The following NOS3 variants were observed in gnomAD, a reference collection of about 807,000 sequenced individuals.
NOS3 encodes the protein NOS type III.
In NOS3, 98 loss-of-function variants were observed where a neutral mutation model predicts 144.9. The ratio of observed to expected loss-of-function variants is 0.68; its 90% CI spans 0.57 to 0.80. The LOEUF is 0.80. Among genes scored for constraint, NOS3 ranks in the 30% least tolerant of loss-of-function variants. NOS3 has a pLI of 0.00. For synonymous variants in NOS3, 714 were observed against 702.4 expected (o/e 1.02, Z -0.26); for missense variants, 1,465 against 1,656.4 (o/e 0.88, Z 2.01).
rs143125350 is a variant in NOS3, at chr7:151,003,395, C to T, written c.1752+1091C>T. ...CCTGCCTCGGCCTCCCAAAGTGCTGCGATTATAGACGTGAGCCACTGCACC... is the reference window on the plus strand; with the variant it reads ...CCTGCCTCGGCCTCCCAAAGTGCTGTGATTATAGACGTGAGCCACTGCACC... On this transcript the variant is annotated intron_variant, in intron 14 of 26. Transcript: ENST00000297494. The surrounding 1 kb of genome is among the most constrained non-coding windows in gnomAD (Gnocchi z 4.1). 739 of 1,221,504 alleles carry T rather than the reference C, an allele frequency of 6.0e-4. 7 individuals carry two copies. In the South Asian group the frequency reaches 9.8e-3, roughly 16 times the overall value. 75.7% of individuals were successfully genotyped at this position (1,221,504 alleles called of 1,614,324 possible). A position where few individuals can be genotyped will look rare whatever the true frequency, so the allele number is the denominator to read the frequency against.
At chr7:150,994,772 T>C (rs1802331702) in intron 2 of NOS3, among the ~76,000 whole-genome samples, 1 of 152,152 alleles carries the variant, frequency 6.6e-6, no homozygotes, top group Non-Finnish European at 1.5e-5. Context: ...GAGGCTTCCC[T>C]TCACACATGG....
At position 151,014,430 on chromosome 7, in the gene NOS3, C is replaced by T. The variant is rs1795397520; in HGVS notation, c.*261C>T. 7 of 465,854 alleles carry T rather than the reference C, an allele frequency of 1.5e-5. No individual in the cohort carries two copies. Among genetic ancestry groups the T allele is most frequent in the Non-Finnish European group, 2.7e-5 (7 of 263,494 alleles). The allele number at this position is 465,854 out of a possible 1,614,324, so 28.9% of individuals were successfully genotyped here. A position where few individuals can be genotyped will look rare whatever the true frequency, so the allele number is the denominator to read the frequency against. On this transcript the variant is annotated 3_prime_UTR_variant, in exon 27 of 27. Coordinates refer to ENST00000297494, the MANE Select transcript of NOS3 (RefSeq NM_000603.5). ...GTACCCCAGGGCCTACTGCCACCCG[C>T]TTCCTGTTTCTTAGTCGAATGTTAG...
At position 151,010,656 on chromosome 7, in the gene NOS3, G is replaced by A; in HGVS notation, c.2745G>A (p.Leu915=). 6.2e-7 allele frequency: 1 copy of A among 1,607,896 alleles called. No individual in the cohort carries two copies. The highest frequency in any genetic ancestry group is 1.7e-5 in the Admixed American group (1 of 59,370). Residue 915 remains leucine (L), a synonymous_variant, in exon 22 of 27, where the codon CTG becomes CTA. Coordinates refer to ENST00000297494, the MANE Select transcript of NOS3 (RefSeq NM_000603.5). ...GCTGCCCCACGCTGCTGGAGGTGCTGGAGCAGTTCCCGTCGGTGGCGCTGC... is the reference window on the plus strand; with the variant it reads ...GCTGCCCCACGCTGCTGGAGGTGCTAGAGCAGTTCCCGTCGGTGGCGCTGC... ...WFRCPTLLEV[L]EQFPSVALPA... is the part of the protein sequence containing the mutation.
Position 150,996,945 on chromosome 7 carries a change from G to A in NOS3, c.582+20G>A. On this transcript the variant is annotated intron_variant, in intron 5 of 26. Coordinates refer to ENST00000297494, the MANE Select transcript of NOS3 (RefSeq NM_000603.5). ...CTGCAGGTGCGGCTGGCCAGCGACT[G>A]AGAGACCCGGGCGCTACCAAAAGGG... is the stretch of plus-strand genomic sequence containing the variant. 6.5e-7 allele frequency: 1 copy of A among 1,547,954 alleles called. No individual in the cohort carries two copies. The highest frequency in any genetic ancestry group is 8.7e-7 in the Non-Finnish European group (1 of 1,146,666).
intron 12 of NOS3, 23 bp from the exon 13 acceptor site, chr7:151,001,798 C>A (rs373157489): frequency 1.2e-4 from 193 of 1,613,300 alleles, no homozygotes; most frequent in Non-Finnish European, 1.5e-4. Flanking sequence ...CCCAGGACAC[C>A]CTCACACCTT....
In NOS3 at chr7:150,999,382, G is replaced by A; in HGVS notation, c.1131+18G>A. 1.9e-6 allele frequency: 3 copies of A among 1,546,890 alleles called. No homozygotes were observed. In the South Asian group the frequency reaches 3.7e-5, roughly 19 times the overall value. On this transcript the variant is annotated intron_variant, in intron 9 of 26. Coordinates refer to ENST00000297494, the MANE Select transcript of NOS3 (RefSeq NM_000603.5). ...TCCTGGAGGTGAGGTGCGGGATGGG[G>A]CTCGGGCACCGAATGCACCTGTCCA...
chr7:150,994,112 C>A, intron 2 of NOS3, 151 bp downstream of exon 2: 1 of 856,694 alleles, frequency 1.2e-6, no homozygotes, highest in Non-Finnish European at 1.8e-6. Flanking sequence ...ACAGGACAGT[C>A]TGGGAGGCTC....
chr7:151,007,754 C>G lies in NOS3; in HGVS notation c.2112+478C>G, dbSNP rs572321236. On this transcript the variant is annotated intron_variant, in intron 17 of 26. Coordinates refer to ENST00000297494, the MANE Select transcript of NOS3 (RefSeq NM_000603.5). ...CTGCACCGCAGAACTGGTCCCGGGC[C>G]GGGCAAGCAAGCACAGGGAGAGGTG... is the stretch of plus-strand genomic sequence containing the variant. 5.3e-5 allele frequency among the ~76,000 whole-genome samples: 8 copies of G among 152,378 alleles called. No homozygotes were observed. The South Asian group carries it at 1.4e-3, about 28-fold the overall frequency.
chr7:150,996,599 C>A (rs1428843803), intron 4 of NOS3, 47 bp downstream of exon 4: 4 of 1,555,908 alleles, frequency 2.6e-6, no homozygotes. Context: ...CACTGAGGCC[C>A]CAGAAACCCC....
intron 17 of NOS3, among the ~76,000 whole-genome samples, chr7:151,008,288 T>C (rs1299978692): frequency 6.6e-6 from 1 of 151,968 alleles, no homozygotes; most frequent in Non-Finnish European, 1.5e-5. Context: ...AAAAGAAAGA[T>C]TAACGGGACT....
intron 2 of NOS3, among the ~76,000 whole-genome samples, chr7:150,994,456 G>T (rs1422803649): frequency 6.6e-6 from 1 of 152,164 alleles, no homozygotes; most frequent in African/African-American, 2.4e-5. Context: ...GGCCCTTGGG[G>T]TAAGCAGGCT....
At chr7:151,012,243 T>C (rs1329458649) in intron 23 of NOS3, 108 bp from the exon 24 acceptor site, 2 of 984,346 alleles carry the variant, frequency 2.0e-6, no homozygotes, top group Non-Finnish European at 2.8e-6. Flanking sequence ...TTTAATTTTT[T>C]TTTGAGATGG....
rs529588969 is a variant in NOS3 at position 151,013,846 on chromosome 7, C to T, written c.3378C>T (p.Thr1126=). 3.2e-5 allele frequency: 52 copies of T among 1,605,750 alleles called. No homozygotes were observed. In the South Asian group the frequency reaches 5.2e-4, roughly 16 times the overall value. ...CCATGGCAACCAACGTCCTGCAGAC[C>T]GTGCAGCGCATCCTGGCGACGGAGG... ...DVTMATNVLQ[T]VQRILATEGD... is the part of the protein sequence containing the mutation. The change falls in exon 26 of 27, where the codon ACC becomes ACT. Residue 1126 remains threonine (T), a synonymous_variant. Coordinates refer to ENST00000297494, the MANE Select transcript of NOS3 (RefSeq NM_000603.5).
chr7:151,003,511 T>A lies in NOS3; in HGVS notation c.1752+1207T>A. 8.0e-7 allele frequency: 1 copy of A among 1,256,490 alleles called. No homozygotes were observed. Among genetic ancestry groups the A allele is most frequent in the Non-Finnish European group, 1.0e-6 (1 of 964,866 alleles). The allele number at this position is 1,256,490 out of a possible 1,614,324, so 77.8% of individuals were successfully genotyped here. ...TCAGCCCTCATTCTGACCTACCTTT[T>A]CAAGAAAAATAGCACCAGCAATTGA... On this transcript the variant is annotated intron_variant, in intron 14 of 26. Coordinates refer to ENST00000297494, the MANE Select transcript of NOS3 (RefSeq NM_000603.5). This position sits in a 1 kb window ranked among gnomAD's most constrained non-coding sequence, Gnocchi z 4.1.
chr7:151,002,436 ACACACACACACACACACG>A lies in NOS3; in HGVS notation c.1752+134_1752+151del, dbSNP rs1795129973. 2 of 496,016 alleles carry A rather than the reference ACACACACACACACACACG, an allele frequency of 4.0e-6. No homozygotes were observed. Among genetic ancestry groups the A allele is most frequent in the East Asian group, 3.8e-5 (1 of 26,218 alleles). 30.7% of individuals were successfully genotyped at this position (496,016 alleles called of 1,614,324 possible). On this transcript the variant is annotated intron_variant, in intron 14 of 26. Transcript: ENST00000297494. The surrounding 1 kb of genome is among the most constrained non-coding windows in gnomAD (Gnocchi z 4.1). ...CACACACACACACACACACACACAC[ACACACACACACACACACG>A]CCAGGATGGAAAGGGAGATGCTAAG...
Position 151,014,319 on chromosome 7 carries a change from A to T in NOS3, c.*150A>T. 1 of 885,340 alleles carries T rather than the reference A, an allele frequency of 1.1e-6. No individual in the cohort carries two copies. The highest frequency in any genetic ancestry group is 1.7e-6 in the Non-Finnish European group (1 of 599,690). The allele number at this position is 885,340 out of a possible 1,614,324, so 54.8% of individuals were successfully genotyped here. Reference sequence around the variant, plus strand: ...AAGGATTCAGCATTATTCCTCCAGGAAGGAGCAAAACGCCTCTTTTCCCTC... The same window carrying T: ...AAGGATTCAGCATTATTCCTCCAGGTAGGAGCAAAACGCCTCTTTTCCCTC... On this transcript the variant is annotated 3_prime_UTR_variant, in exon 27 of 27. Coordinates refer to ENST00000297494, the MANE Select transcript of NOS3 (RefSeq NM_000603.5).
Position 151,008,680 on chromosome 7 carries a change from G to A in NOS3, c.2113-250G>A, listed in dbSNP as rs530457030. Among the ~76,000 whole-genome samples the A allele has an allele frequency of 3.9e-5, 6 of 152,270 alleles. No homozygotes were observed. The East Asian group carries it at 7.7e-4, about 20-fold the overall frequency. On this transcript the variant is annotated intron_variant, in intron 17 of 26. Transcript: ENST00000297494. ...CCAAGCACTATGCTTCTCGGATCAC[G>A]GGATTAACACGCACCAGATAAGGAA...
At position 151,010,116 on chromosome 7, in the gene NOS3, T is replaced by C. The variant is rs941391591; in HGVS notation, c.2514T>C (p.Gly838=). 6.3e-7 allele frequency: 1 copy of C among 1,586,752 alleles called. No homozygotes were observed. Residue 838 remains glycine, a splice_region_variant and synonymous_variant, in exon 21 of 27, where the codon GGT becomes GGC. Coordinates refer to ENST00000297494, the MANE Select transcript of NOS3 (RefSeq NM_000603.5). ...GAGCTCCCTGTGCACTATCCCCAGG[T>C]GGCCCTCCCCCCGGCTGGGTGCGGG... ...AVEQLEKGSP[G]GPPPGWVRDP... is the part of the protein sequence containing the mutation.
Position 151,009,041 on chromosome 7 carries a change from G to C in NOS3, c.2224G>C (p.Glu742Gln). The change falls in exon 18 of 27, where the codon GAG becomes CAG. Residue 742 changes from glutamate to glutamine, a missense_variant. Coordinates refer to ENST00000297494, the MANE Select transcript of NOS3 (RefSeq NM_000603.5). ...GAGGTACCGGCTGAGCGCCCAGGCCGAGGGCCTGCAGTTGCTGCCAGGTGG... is the reference window on the plus strand; with the variant it reads ...GAGGTACCGGCTGAGCGCCCAGGCCCAGGGCCTGCAGTTGCTGCCAGGTGG... ...RQRYRLSAQA[E>Q]GLQLLPGLIH... 6.2e-7 allele frequency: 1 copy of C among 1,612,702 alleles called. No homozygotes were observed. Among genetic ancestry groups the C allele is most frequent in the Non-Finnish European group, 8.5e-7 (1 of 1,179,574 alleles).
Sources: gnomAD v4.1 joint callset for allele counts (sites outside exome capture counted in the v4.1 genomes callset) on GRCh38, gnomAD v4.1.1 for gene constraint, Gnocchi (gnomAD v3.1) non-coding constraint, MANE v1.5 for transcripts, NCBI Gene and HGNC (gene_info 2026-07-23, HGNC 2026-07-21) for gene names.